Variants in SLAIN1 observed in about 807,000 individuals in gnomAD.
The protein encoded by SLAIN1 is SLAIN family member 1, also known as SLAIN motif-containing protein 1.
In SLAIN1, 17 loss-of-function variants were observed where a neutral mutation model predicts 55.4. The observed-to-expected ratio is 0.31, with a 90% CI of 0.21 to 0.46. SLAIN1 has a LOEUF of 0.46. Among genes scored for constraint, SLAIN1 ranks in the 20% least tolerant of loss-of-function variants. The probability of loss-of-function intolerance (pLI) is 1.00; values close to 1 mark genes in which losing one functional copy is unlikely to be tolerated. For synonymous variants in SLAIN1, 348 were observed against 337.4 expected (o/e 1.03, Z -0.35); for missense variants, 682 against 785.1 (o/e 0.87, Z 1.57).
intron 2 of SLAIN1, chr13:77,743,279 T>A: frequency 1.2e-6 from 1 of 861,552 alleles, no homozygotes; most frequent in Non-Finnish European, 1.6e-6. Flanking sequence ...AGTGGAGAGT[T>A]TGTGCTGCAC....
At chr13:77,751,967 T>C (rs958773444) in intron 4 of SLAIN1, among the ~76,000 whole-genome samples, 20 of 152,212 alleles carry the variant, frequency 1.3e-4, no homozygotes, top group African/African-American at 3.9e-4. Context: ...CATAGAGTTG[T>C]GGTCTTGTGG....
chr13:77,752,995 A>G (rs143984574), intron 4 of SLAIN1, among the ~76,000 whole-genome samples: 159 of 152,310 alleles, frequency 1.0e-3, no homozygotes, highest in African/African-American at 3.7e-3. Flanking sequence ...GGCACTCAAT[A>G]TTAACCATCA....
intron 1 of SLAIN1, among the ~76,000 whole-genome samples, chr13:77,701,498 T>C (rs2091030354): frequency 6.6e-6 from 1 of 152,110 alleles, no homozygotes; most frequent in African/African-American, 2.4e-5. Flanking sequence ...TGAATAATTA[T>C]TTAACCTATA....
intron 4 of SLAIN1, among the ~76,000 whole-genome samples, chr13:77,751,174 A>G (rs546801376): frequency 6.6e-6 from 1 of 152,266 alleles, no homozygotes; most frequent in South Asian, 2.1e-4. Context: ...TGATATGTGC[A>G]CTTTAGTGTT....
At chr13:77,753,123 CTT>C (rs1874355344) in intron 4 of SLAIN1, 78 bp from the exon 5 acceptor site, 2 of 1,281,408 alleles carry the variant, frequency 1.6e-6, no homozygotes, top group East Asian at 2.5e-5. Context: ...CACAATATGA[CTT>C]TTGTTATTTG....
intron 2 of SLAIN1, among the ~76,000 whole-genome samples, chr13:77,730,671 A>G (rs148042738): frequency 4.5e-4 from 68 of 152,186 alleles, no homozygotes; most frequent in Middle Eastern, 3.4e-3. Context: ...ATTTTTTTCT[A>G]CTGTCATAGT....
intron 2 of SLAIN1, among the ~76,000 whole-genome samples, chr13:77,721,107 G>A (rs2091257445): frequency 6.6e-6 from 1 of 152,148 alleles, no homozygotes; most frequent in African/African-American, 2.4e-5. Context: ...CACATGTAGA[G>A]GGAGGCACCT....
chr13:77,730,109 G>A (rs997754543), intron 2 of SLAIN1, among the ~76,000 whole-genome samples: 1 of 152,144 alleles, frequency 6.6e-6, no homozygotes. Flanking sequence ...GAAACGGCAG[G>A]CTGTTGTGGT....
chr13:77,728,857 G>A (rs1401364957), intron 2 of SLAIN1, among the ~76,000 whole-genome samples: 1 of 152,158 alleles, frequency 6.6e-6, no homozygotes, highest in African/African-American at 2.4e-5. Flanking sequence ...GTCTCGAGAT[G>A]CTCTGTCAAA....
At chr13:77,716,077 T>A (rs2091203836) in intron 1 of SLAIN1, among the ~76,000 whole-genome samples, 1 of 152,066 alleles carries the variant, frequency 6.6e-6, no homozygotes, top group African/African-American at 2.4e-5. Flanking sequence ...CTGTGCTCTA[T>A]TTTGAGTTAG....
At chr13:77,708,267 A>G (rs954501657) in intron 1 of SLAIN1, among the ~76,000 whole-genome samples, 1 of 152,246 alleles carries the variant, frequency 6.6e-6, no homozygotes, top group African/African-American at 2.4e-5. Flanking sequence ...AAACAAAAAA[A>G]GGACTCTATC....
At chr13:77,705,110 A>G (rs1049079664) in intron 1 of SLAIN1, among the ~76,000 whole-genome samples, 2 of 151,670 alleles carry the variant, frequency 1.3e-5, no homozygotes, top group East Asian at 1.9e-4. Context: ...ATGTGACTGT[A>G]CCATTTGTTT....
chr13:77,697,952 C>G lies in SLAIN1; in HGVS notation c.39C>G (p.Val13=). The G allele has an allele frequency of 7.0e-7, 1 of 1,438,516 alleles. No homozygotes were observed. The highest frequency in any genetic ancestry group is 1.3e-5 in the South Asian group (1 of 77,136). 89.1% of individuals were successfully genotyped at this position (1,438,516 alleles called of 1,614,324 possible). Residue 13 remains valine (V), a synonymous_variant, in exon 1 of 7, where the codon GTC becomes GTG. Transcript: ENST00000418532. ...AGGTGAAATGCGCCTCGGCAGGGGT[C>G]AGCTCTGGAGCGGGCTCCGGGCCGG... is the stretch of plus-strand genomic sequence containing the variant. ...AEQVKCASAG[V]SSGAGSGPVV... is the part of the protein sequence containing the mutation.
chr13:77,698,238 G>T lies in SLAIN1; in HGVS notation c.325G>T (p.Gly109Cys). The change falls in exon 1 of 7, where the codon GGC (glycine) becomes TGC (cysteine). Residue 109 changes from glycine to cysteine, a missense_variant. Gly to Cys is a radical substitution (Grantham distance 159, BLOSUM62 -3). Around this residue, in one of 3 missense-constraint regions of SLAIN1, gnomAD observed 401 missense variants for 417.3 expected, o/e 0.96. Coordinates refer to ENST00000418532, the MANE Select transcript of SLAIN1 (RefSeq NM_001242868.2). The surrounding 1 kb of genome is among the most constrained non-coding windows in gnomAD (Gnocchi z 4.1). The part of the protein sequence containing the change: ...GLALGAGGGG[G>C]SGSGSGGGSS... ...GGCGCTGGGCGCGGGGGGCGGTGGC[G>T]GCAGCGGTAGTGGCAGCGGCGGTGG... The T allele has an allele frequency of 7.3e-7, 1 of 1,362,660 alleles. No homozygotes were observed. Among genetic ancestry groups the T allele is most frequent in the South Asian group, 1.6e-5 (1 of 61,104 alleles). The allele number at this position is 1,362,660 out of a possible 1,614,324, so 84.4% of individuals were successfully genotyped here.
At chr13:77,752,523 T>C (rs879658209) in intron 4 of SLAIN1, among the ~76,000 whole-genome samples, 2 of 152,058 alleles carry the variant, frequency 1.3e-5, no homozygotes, top group Non-Finnish European at 2.9e-5. Flanking sequence ...ACAGGATAAA[T>C]GTATATATGA....
chr13:77,749,994 A>AG (rs1181615838), intron 4 of SLAIN1, among the ~76,000 whole-genome samples: 11 of 152,198 alleles, frequency 7.2e-5, no homozygotes, highest in Non-Finnish European at 1.3e-4. Flanking sequence ...TAGAGGAAAA[A>AG]GCTTGTGAAA....
chr13:77,699,889 C>T (rs933035457), intron 1 of SLAIN1, among the ~76,000 whole-genome samples: 1 of 151,366 alleles, frequency 6.6e-6, no homozygotes, highest in African/African-American at 2.4e-5. Flanking sequence ...GAATGTGGTA[C>T]TAGAAAATGC....
intron 2 of SLAIN1, among the ~76,000 whole-genome samples, chr13:77,721,639 G>C (rs1171810788): frequency 6.6e-6 from 1 of 151,558 alleles, no homozygotes. Context: ...GATTTTGTGG[G>C]CTACATAATC....
At position 77,719,686 on chromosome 13, in the gene SLAIN1, G is replaced by A. The variant is rs2091243179; in HGVS notation, c.766+15G>A. 1 of 1,611,182 alleles carries A rather than the reference G, an allele frequency of 6.2e-7. No homozygotes were observed. The highest frequency in any genetic ancestry group is 1.3e-5 in the African/African-American group (1 of 74,908). On this transcript the variant is annotated intron_variant, in intron 2 of 6. Transcript: ENST00000418532. ...ACTGGAGCAAGGTAATTGTGAGTGT[G>A]TGCATTTACATTCTCCAACTCTTGT...
Sources: gnomAD v4.1 joint callset for allele counts (sites outside exome capture counted in the v4.1 genomes callset) on GRCh38, gnomAD v4.1.1 for gene constraint, gnomAD v4.1.1 regional missense constraint, Gnocchi (gnomAD v3.1) non-coding constraint, MANE v1.5 for transcripts, NCBI Gene and HGNC (gene_info 2026-07-23, HGNC 2026-07-21) for gene names.